TPM3: variants seen among roughly 807,000 people sequenced by gnomAD.
TPM3 encodes the protein tropomyosin alpha-3 chain.
TPM3 carries 16 observed loss-of-function variants against 43.1 expected under a neutral mutation model. The observed-to-expected ratio is 0.37, with a 90% CI of 0.25 to 0.56. The LOEUF is 0.56. Ranked by LOEUF, TPM3 falls within the 20% of genes least tolerant of loss-of-function variation. The pLI is 0.77. For synonymous variants in TPM3, 101 were observed against 116.9 expected (o/e 0.86, Z 0.88); for missense variants, 176 against 337.2 (o/e 0.52, Z 3.74).
intron 2 of TPM3, chr1:154,183,190 C>G: frequency 1.3e-6 from 2 of 1,592,110 alleles, no homozygotes; most frequent in Non-Finnish European, 1.7e-6. Context: ...CTCCTCTCAC[C>G]CTTACTTCCG....
In TPM3 at chr1:154,165,789, CAAAAAA is replaced by C. The variant is rs68185418; in HGVS notation, c.*2142_*2147del. ...AGGTGACAAGAGTCAAACTCCGTCT[CAAAAAA>C]AAAAAAAAAAAGAAAAAAAGAAAAA... On this transcript the variant is annotated 3_prime_UTR_variant, in exon 10 of 10. Transcript: ENST00000651641. Among the ~76,000 whole-genome samples the C allele has an allele frequency of 1.2e-5, 1 of 82,230 alleles. No individual in the cohort carries two copies. Among genetic ancestry groups the C allele is most frequent in the African/African-American group, 4.3e-5 (1 of 23,228 alleles). The allele number at this position is 82,230 out of a possible 152,430, so 53.9% of individuals were successfully genotyped here.
chr1:154,182,374 G>A, intron 2 of TPM3, among the ~76,000 whole-genome samples: 1 of 152,226 alleles, frequency 6.6e-6, no homozygotes, highest in South Asian at 2.1e-4. Flanking sequence ...GCCAGAGGAT[G>A]AGAGGCGGTC....
At chr1:154,169,689 A>C (rs1661365448) in intron 8 of TPM3, 1 of 497,976 alleles carries the variant, frequency 2.0e-6, no homozygotes, top group Non-Finnish European at 3.7e-6. Flanking sequence ...CCAGGTACCC[A>C]ATTCCTAGCA....
intron 2 of TPM3, chr1:154,183,142 G>T (rs753523883): frequency 1.3e-6 from 2 of 1,597,664 alleles, no homozygotes; most frequent in South Asian, 2.2e-5. Context: ...GCTACTGCTC[G>T]CGCTCCGGTT....
chr1:154,160,576 G>C (rs1449981053), downstream of TPM3, among the ~76,000 whole-genome samples: 2 of 152,168 alleles, frequency 1.3e-5, no homozygotes. Context: ...AATAGGGGTG[G>C]TATTGTGCAC....
chr1:154,169,223 A>G (rs754378752), intron 9 of TPM3, 82 bp downstream of exon 9: 27 of 1,363,954 alleles, frequency 2.0e-5, no homozygotes, highest in African/African-American at 5.7e-5. Flanking sequence ...GGATAAAACC[A>G]AAGCACACCA....
In TPM3 at chr1:154,170,647, ACCT is replaced by A; in HGVS notation, c.704_705+1del. ...TCTGCCCTATAAATCCCCTCAGCTCACCTCCTTGAGTTTATCAGTAAGAATCTT... is the reference window on the plus strand; with the variant it reads ...TCTGCCCTATAAATCCCCTCAGCTCACCTTGAGTTTATCAGTAAGAATCTT... On this transcript the variant is annotated splice_donor_variant and coding_sequence_variant, in exon 7 of 10. Coordinates refer to ENST00000651641, the MANE Select transcript of TPM3 (RefSeq NM_152263.4). LOFTEE classifies it high-confidence loss of function. The A allele has an allele frequency of 6.2e-7, 1 of 1,612,682 alleles. No individual in the cohort carries two copies. Among genetic ancestry groups the A allele is most frequent in the Non-Finnish European group, 8.5e-7 (1 of 1,179,104 alleles).
At chr1:154,174,407 T>TATACACACACACACAC (rs1261318136) in intron 3 of TPM3, among the ~76,000 whole-genome samples, 1 of 72,678 alleles carries the variant, frequency 1.4e-5, no homozygotes, top group African/African-American at 5.0e-5. Flanking sequence ...TATATATATA[T>TATACACACACACACAC]ACACACAAAA....
chr1:154,164,982 C>T lies in TPM3; in HGVS notation c.*2955G>A, dbSNP rs1660783531. The stretch of plus-strand genomic sequence containing the variant: ...CCAAGTAAAATTATAACTCCTCAGC[C>T]TCATTTTAAGACACAACCTGTTCCC... On this transcript the variant is annotated 3_prime_UTR_variant, in exon 10 of 10. Transcript: ENST00000651641. Among the ~76,000 whole-genome samples the T allele has an allele frequency of 6.6e-6, 1 of 152,224 alleles. No homozygotes were observed. The highest frequency in any genetic ancestry group is 1.5e-5 in the Non-Finnish European group (1 of 68,032).
rs201908909 is a variant in TPM3 at position 154,176,651 on chromosome 1, AG to A, written c.244-404del. Reference sequence around the variant, plus strand: ...TAACCTTTCAAGTGTCTCATAAAGCAGGAAAAAAAAAAAAAAAAAAGCAAGG... The same window carrying A: ...TAACCTTTCAAGTGTCTCATAAAGCAGAAAAAAAAAAAAAAAAAAGCAAGG... On this transcript the variant is annotated intron_variant, in intron 2 of 9. Coordinates refer to ENST00000651641, the MANE Select transcript of TPM3 (RefSeq NM_152263.4). Among the ~76,000 whole-genome samples the A allele has an allele frequency of 6.6e-4, 71 of 106,846 alleles. 1 individual carries two copies. The highest frequency in any genetic ancestry group is 2.2e-3 in the African/African-American group (41 of 18,856). The allele number at this position is 106,846 out of a possible 152,430, so 70.1% of individuals were successfully genotyped here. A position where few individuals can be genotyped will look rare whatever the true frequency, so the allele number is the denominator to read the frequency against.
chr1:154,184,715 C>G (rs577385833), intron 2 of TPM3, among the ~76,000 whole-genome samples: 67 of 152,000 alleles, frequency 4.4e-4, no homozygotes, highest in African/African-American at 1.5e-3. Flanking sequence ...GAGTTTGAGA[C>G]CAGCCTGGGC....
At chr1:154,170,866 C>T in intron 6 of TPM3, 155 bp from the exon 7 acceptor site, 1 of 648,870 alleles carries the variant, frequency 1.5e-6, no homozygotes. Flanking sequence ...ACAATAGGTC[C>T]TTGAAATTCA....
chr1:154,181,477 AAC>A (rs753690627), intron 2 of TPM3, among the ~76,000 whole-genome samples: 13 of 152,340 alleles, frequency 8.5e-5, no homozygotes, highest in African/African-American at 1.7e-4. Context: ...GAATTTTAGC[AAC>A]AGTTACTTTA....
chr1:154,157,719 T>C (rs1488133490), downstream of TPM3: 4 of 780,812 alleles, frequency 5.1e-6, no homozygotes, highest in Non-Finnish European at 9.6e-6. Flanking sequence ...CATTTCAGTT[T>C]ATCTAATGGG....
chr1:154,179,208 C>G (rs113592886), intron 2 of TPM3, among the ~76,000 whole-genome samples: 1 of 152,194 alleles, frequency 6.6e-6, no homozygotes, highest in Non-Finnish European at 1.5e-5. Context: ...AGGGAGATAC[C>G]GTGTCCTTGG....
chr1:154,169,669 C>T, intron 8 of TPM3: 1 of 526,450 alleles, frequency 1.9e-6, no homozygotes, highest in Non-Finnish European at 3.4e-6. Context: ...CAAGAGGATA[C>T]CACTCCCATC....
intron 2 of TPM3, chr1:154,183,258 G>T (rs1571443270): frequency 2.0e-6 from 3 of 1,523,350 alleles, no homozygotes; most frequent in Admixed American, 2.0e-5. Flanking sequence ...ACGTCCCTCT[G>T]CCGCGCCCTC....
chr1:154,191,901 C>T lies in TPM3; in HGVS notation c.117+1G>A, dbSNP rs779162978. The T allele has an allele frequency of 5.0e-6, 8 of 1,613,098 alleles. No homozygotes were observed. Among genetic ancestry groups the T allele is most frequent in the Non-Finnish European group, 5.1e-6 (6 of 1,179,716 alleles). The stretch of plus-strand genomic sequence containing the variant: ...TGAGAGAGATCAATGCCAGTGCCTA[C>T]CTGTTTACTTCTTTCTTCTGCCTGC... On this transcript the variant is annotated splice_donor_variant, in intron 1 of 9. Coordinates refer to ENST00000651641, the MANE Select transcript of TPM3 (RefSeq NM_152263.4). LOFTEE classifies it high-confidence loss of function.
downstream of TPM3, among the ~76,000 whole-genome samples, chr1:154,159,643 C>T (rs1341074105): frequency 6.6e-6 from 1 of 152,010 alleles, no homozygotes; most frequent in Non-Finnish European, 1.5e-5. Flanking sequence ...TGTTAAGAGT[C>T]AACAAATAGT....
Sources: allele counts gnomAD v4.1 joint callset (sites outside exome capture counted in the v4.1 genomes callset), GRCh38; gene constraint gnomAD v4.1.1; transcripts MANE v1.5; gene names NCBI Gene and HGNC (gene_info 2026-07-23, HGNC 2026-07-21).